Variants in PRTG observed in about 807,000 individuals in gnomAD.
PRTG encodes immunoglobulin superfamily, DCC subclass, member 5.
A neutral mutation model predicts 122.5 loss-of-function variants in PRTG; 67 were observed. The ratio of observed to expected loss-of-function variants is 0.55; its 90% CI spans 0.45 to 0.67. The LOEUF is 0.67. PRTG is among the 30% of genes least tolerant of loss of function. The pLI is 0.00. For synonymous variants in PRTG, 554 were observed against 501.1 expected, an observed-to-expected ratio of 1.11 and a Z score of -1.41; for missense variants, 1,435 against 1,415.4, an observed-to-expected ratio of 1.01 and a Z score of -0.22.
intron 11 of PRTG, among the ~76,000 whole-genome samples, chr15:55,653,321 TTAAGACAAATAACACCTC>T: frequency 6.6e-6 from 1 of 152,272 alleles, no homozygotes; most frequent in Non-Finnish European, 1.5e-5. Flanking sequence ...CCATAGGGTC[TTAAGACAAATAACACCTC>T]TCACTCCCAG....
In PRTG at chr15:55,740,704, G is replaced by A; in HGVS notation, c.95-20C>T. On this transcript the variant is annotated intron_variant, in intron 1 of 19. Coordinates refer to ENST00000389286, the MANE Select transcript of PRTG (RefSeq NM_173814.6). ...ACACTCCTATAAGGAAAAAAAAGGA[G>A]AACGGCACATCCAGAATTACAGGCA... 6.3e-7 allele frequency: 1 copy of A among 1,582,896 alleles called. No homozygotes were observed. The highest frequency in any genetic ancestry group is 8.6e-7 in the Non-Finnish European group (1 of 1,166,004).
At chr15:55,640,209 T>C (rs1202407088) in intron 12 of PRTG, among the ~76,000 whole-genome samples, 1 of 152,236 alleles carries the variant, frequency 6.6e-6, no homozygotes, top group Non-Finnish European at 1.5e-5. Flanking sequence ...TAGCATGATA[T>C]TGTACTAAAT....
chr15:55,681,851 G>C (rs2059540197), intron 4 of PRTG, among the ~76,000 whole-genome samples: 2 of 152,086 alleles, frequency 1.3e-5, no homozygotes, highest in African/African-American at 2.4e-5. Flanking sequence ...AAAAACGAAA[G>C]TGAAATATAG....
chr15:55,651,131 G>C (rs2059351039), intron 11 of PRTG, among the ~76,000 whole-genome samples: 1 of 152,092 alleles, frequency 6.6e-6, no homozygotes, highest in African/African-American at 2.4e-5. Context: ...TGAGAAATCA[G>C]ATAGCAAATA....
chr15:55,673,086 C>A (rs1025084631), intron 10 of PRTG, among the ~76,000 whole-genome samples: 7 of 152,058 alleles, frequency 4.6e-5, no homozygotes, highest in Non-Finnish European at 8.8e-5. Flanking sequence ...TTAATTAGGC[C>A]TCTATGAATA....
chr15:55,721,260 C>T (rs2030812576), intron 2 of PRTG, among the ~76,000 whole-genome samples: 1 of 152,230 alleles, frequency 6.6e-6, no homozygotes, highest in Non-Finnish European at 1.5e-5. Flanking sequence ...CCAGCCTCCA[C>T]TCTGCCTACA....
At chr15:55,739,123 G>A (rs1160138165) in intron 2 of PRTG, among the ~76,000 whole-genome samples, 3 of 152,068 alleles carry the variant, frequency 2.0e-5, no homozygotes, top group Admixed American at 2.0e-4. Flanking sequence ...CCTTATTGCA[G>A]AATAAAATAG....
chr15:55,629,371 ATATATGTGTGTGTGTGTG>A (rs1266838713), intron 15 of PRTG, among the ~76,000 whole-genome samples: 13 of 35,558 alleles, frequency 3.7e-4, no homozygotes, highest in East Asian at 0.14. Context: ...ATATATATAT[ATATATGTGTGTGTGTGTG>A]TGTGTGTGTG....
Position 55,631,312 on chromosome 15 carries a change from T to C in PRTG, c.2624-2308A>G, listed in dbSNP as rs964565364. On this transcript the variant is annotated intron_variant, in intron 15 of 19. Coordinates refer to ENST00000389286, the MANE Select transcript of PRTG (RefSeq NM_173814.6). ...ATTTCCATGTCTTCACAAACAGATA[T>C]AAATAAATTGAGTTTCCATTTTATG... is the stretch of plus-strand genomic sequence containing the variant. Among the ~76,000 whole-genome samples the C allele has an allele frequency of 3.9e-5, 6 of 152,208 alleles. No individual in the cohort carries two copies. The South Asian group carries it at 1.0e-3, about 26-fold the overall frequency.
Position 55,638,771 on chromosome 15 carries a change from A to G in PRTG, c.2325-95T>C, listed in dbSNP as rs1214805671. ...TCCAAATAGGTAAGGGCATAATGTT[A>G]TTTTTCATTACCTCCTTATTTTATA... On this transcript the variant is annotated intron_variant, in intron 13 of 19. Transcript: ENST00000389286. The G allele has an allele frequency of 5.9e-6, 6 of 1,009,898 alleles. No individual in the cohort carries two copies. The East Asian group carries it at 1.6e-4, about 27-fold the overall frequency. The allele number at this position is 1,009,898 out of a possible 1,614,324, so 62.6% of individuals were successfully genotyped here.
rs370956277 is a variant in PRTG, at chr15:55,620,779, A to G, written c.3094-12T>C. The G allele has an allele frequency of 9.5e-6, 15 of 1,575,518 alleles. No individual in the cohort carries two copies. In the African/African-American group the frequency reaches 2.1e-4, roughly 22 times the overall value. On this transcript the variant is annotated splice_polypyrimidine_tract_variant and intron_variant, in intron 18 of 19. Coordinates refer to ENST00000389286, the MANE Select transcript of PRTG (RefSeq NM_173814.6). ...AGGTCAGTTCCTCCCTGAGGAAATA[A>G]AAGAGGGGAAATGTAAAATATCCTG...
Position 55,639,633 on chromosome 15 carries a change from G to C in PRTG, c.2324+9C>G. The C allele has an allele frequency of 6.2e-7, 1 of 1,610,780 alleles. No homozygotes were observed. Among genetic ancestry groups the C allele is most frequent in the Non-Finnish European group, 8.5e-7 (1 of 1,177,268 alleles). On this transcript the variant is annotated intron_variant, in intron 13 of 19. Transcript: ENST00000389286. Reference sequence around the variant, plus strand: ...GCAAAGAAAATAACCATTAACAGGAGCTACATACGTTTGAAGGTACAGAAC... The same window carrying C: ...GCAAAGAAAATAACCATTAACAGGACCTACATACGTTTGAAGGTACAGAAC...
chr15:55,722,761 TAA>T (rs2030875525), intron 2 of PRTG, among the ~76,000 whole-genome samples: 1 of 90,824 alleles, frequency 1.1e-5, no homozygotes, highest in Admixed American at 1.4e-4. Context: ...AGAACATACT[TAA>T]AACACCACCA....
chr15:55,738,704 C>A, intron 2 of PRTG: 1 of 334,312 alleles, frequency 3.0e-6, no homozygotes, highest in Non-Finnish European at 5.4e-6. Context: ...AATTATTGGC[C>A]AATGATTACG....
At chr15:55,650,098 T>C (rs527400628) in intron 11 of PRTG, among the ~76,000 whole-genome samples, 2 of 152,322 alleles carry the variant, frequency 1.3e-5, no homozygotes, top group Non-Finnish European at 2.9e-5. Context: ...GAGATTTGGA[T>C]ATAAATCTTA....
At chr15:55,669,945 G>T (rs1595634836) in intron 11 of PRTG, among the ~76,000 whole-genome samples, 1 of 152,228 alleles carries the variant, frequency 6.6e-6, no homozygotes, top group East Asian at 1.9e-4. Context: ...ATTTTAAATG[G>T]ATTTACCTCA....
At chr15:55,628,132 T>C (rs904955790) in intron 16 of PRTG, among the ~76,000 whole-genome samples, 2 of 152,142 alleles carry the variant, frequency 1.3e-5, no homozygotes, top group African/African-American at 4.8e-5. Flanking sequence ...CACACATCCC[T>C]GGCACCGAAT....
chr15:55,730,843 G>C lies in PRTG; in HGVS notation c.397+9539C>G, dbSNP rs186846716. On this transcript the variant is annotated intron_variant, in intron 2 of 19. Coordinates refer to ENST00000389286, the MANE Select transcript of PRTG (RefSeq NM_173814.6). ...CTATAATAACAAAACCTGAGCTCTG[G>C]TGCTAGATAGTAGCTGTGCCCTTGA... is the stretch of plus-strand genomic sequence containing the variant. Among the ~76,000 whole-genome samples, 209 of 152,258 alleles carry C rather than the reference G, an allele frequency of 1.4e-3. 1 individual carries two copies. Among genetic ancestry groups the C allele is most frequent in the Admixed American group, 7.6e-3 (116 of 15,284 alleles).
intron 2 of PRTG, among the ~76,000 whole-genome samples, chr15:55,701,494 AC>A (rs2059663515): frequency 6.6e-6 from 1 of 152,208 alleles, no homozygotes; most frequent in Non-Finnish European, 1.5e-5. Flanking sequence ...AGATCACGCC[AC>A]TGCACCCCAG....
Sources: allele counts gnomAD v4.1 joint callset (sites outside exome capture counted in the v4.1 genomes callset), GRCh38; gene constraint gnomAD v4.1.1; transcripts MANE v1.5; gene names NCBI Gene and HGNC (gene_info 2026-07-23, HGNC 2026-07-21).